ARID1B: variants seen among roughly 807,000 people sequenced by gnomAD.
The protein encoded by ARID1B is AT-rich interaction domain 1B, also known as AT-rich interactive domain-containing protein 1B.
Under a neutral mutation model 212.3 loss-of-function variants are expected in ARID1B, and 30 were observed. The observed-to-expected ratio is 0.14, with a 90% CI of 0.11 to 0.19. ARID1B has a LOEUF of 0.19. Ranked by LOEUF, ARID1B falls within the 10% of genes least tolerant of loss-of-function variation. The pLI, the probability that ARID1B is intolerant of heterozygous loss-of-function variation, is 1.00. For missense variants in ARID1B, 2,891 were observed against 3,204.0 expected (o/e 0.90, Z 2.36); for synonymous variants, 1,402 against 1,301.7 (o/e 1.08, Z -1.66).
At chr6:157,157,600 G>T (rs1447487220) in intron 8 of ARID1B, among the ~76,000 whole-genome samples, 1 of 152,230 alleles carries the variant, frequency 6.6e-6, no homozygotes, top group Non-Finnish European at 1.5e-5. Context: ...TTTGGAAAGT[G>T]TCGTGGGTCA....
chr6:157,020,516 A>G (rs1332563020), intron 4 of ARID1B, among the ~76,000 whole-genome samples: 2 of 152,178 alleles, frequency 1.3e-5, no homozygotes, highest in Non-Finnish European at 2.9e-5. Context: ...TTGTGTTTGA[A>G]TGCTTTAGCC....
intron 7 of ARID1B, among the ~76,000 whole-genome samples, chr6:157,144,981 CCAATAAAAAAGCTAATGGCGTGTG>C (rs1789621018): frequency 6.6e-6 from 1 of 152,176 alleles, no homozygotes; most frequent in Non-Finnish European, 1.5e-5. Flanking sequence ...TAAGGAGCTG[CCAATAAAAAAGCTAATGGCGTGTG>C]GCCCAGCGCA....
intron 1 of ARID1B, among the ~76,000 whole-genome samples, chr6:156,787,941 GGTT>G (rs1779755753): frequency 6.6e-6 from 1 of 152,036 alleles, no homozygotes; most frequent in Non-Finnish European, 1.5e-5. Flanking sequence ...TGCTGGGCAG[GGTT>G]GTTGAAAACC....
At chr6:157,115,252 A>G (rs1787247780) in intron 6 of ARID1B, among the ~76,000 whole-genome samples, 1 of 152,226 alleles carries the variant, frequency 6.6e-6, no homozygotes, top group African/African-American at 2.4e-5. Context: ...TTCTATGTAT[A>G]GAAGGTATTT....
intron 4 of ARID1B, among the ~76,000 whole-genome samples, chr6:156,962,712 C>T (rs751684006): frequency 2.6e-5 from 4 of 152,132 alleles, no homozygotes; most frequent in Non-Finnish European, 4.4e-5. Flanking sequence ...TAAACTCCCA[C>T]GCTCAAGAGA....
At chr6:157,040,801 C>G (rs1032495210) in intron 4 of ARID1B, among the ~76,000 whole-genome samples, 3 of 152,144 alleles carry the variant, frequency 2.0e-5, no homozygotes, top group Admixed American at 2.0e-4. Flanking sequence ...AATAGAGATT[C>G]ATTGTTTTGT....
intron 6 of ARID1B, among the ~76,000 whole-genome samples, chr6:157,131,199 AGTTTT>A (rs1477686127): frequency 6.6e-6 from 1 of 152,194 alleles, no homozygotes; most frequent in Non-Finnish European, 1.5e-5. Flanking sequence ...AAAAAGCAAT[AGTTTT>A]GTTAACCACC....
At chr6:157,191,527 CAG>C (rs1249799969) in intron 15 of ARID1B, among the ~76,000 whole-genome samples, 2 of 152,022 alleles carry the variant, frequency 1.3e-5, no homozygotes, top group African/African-American at 4.8e-5. Context: ...ATCCTTGAGA[CAG>C]AGAGTGCAGA....
chr6:156,987,103 G>A (rs936499648), intron 4 of ARID1B, among the ~76,000 whole-genome samples: 2 of 151,700 alleles, frequency 1.3e-5, no homozygotes, highest in African/African-American at 4.8e-5. Flanking sequence ...GCTCTAGCCC[G>A]GGAGGTCCAG....
At chr6:156,895,225 T>C (rs1349875772) in intron 2 of ARID1B, among the ~76,000 whole-genome samples, 1 of 152,220 alleles carries the variant, frequency 6.6e-6, no homozygotes, top group African/African-American at 2.4e-5. Flanking sequence ...TAGTGTCCCT[T>C]GTAGGACCCA....
At chr6:157,154,581 T>TG (rs759396054) in intron 8 of ARID1B, among the ~76,000 whole-genome samples, 3,629 of 115,762 alleles carry the variant, frequency 0.031, 28 homozygotes, top group Non-Finnish European at 0.042. Context: ...TTTTTTTTTG[T>TG]TTTTTTTTTT....
intron 4 of ARID1B, among the ~76,000 whole-genome samples, chr6:156,983,669 C>T (rs745614984): frequency 2.6e-5 from 4 of 151,996 alleles, no homozygotes; most frequent in Non-Finnish European, 2.9e-5. Context: ...TCTCAGTGTT[C>T]GGTACTTGCT....
At chr6:157,105,626 G>C (rs1266777132) in intron 5 of ARID1B, among the ~76,000 whole-genome samples, 2 of 152,144 alleles carry the variant, frequency 1.3e-5, no homozygotes, top group East Asian at 1.9e-4. Flanking sequence ...TTTTGAGATG[G>C]AGTCTTGCTC....
intron 13 of ARID1B, among the ~76,000 whole-genome samples, chr6:157,187,291 G>A (rs973169425): frequency 1.1e-4 from 16 of 152,138 alleles, no homozygotes; most frequent in Non-Finnish European, 2.1e-4. Context: ...TAATAAGTCT[G>A]TAACCAAAAA....
At chr6:157,189,017 T>G (rs1251378998) in intron 13 of ARID1B, among the ~76,000 whole-genome samples, 1 of 152,246 alleles carries the variant, frequency 6.6e-6, no homozygotes, top group Non-Finnish European at 1.5e-5. Context: ...TTGTGCTTTT[T>G]GATAACAAAT....
intron 11 of ARID1B, among the ~76,000 whole-genome samples, chr6:157,179,604 A>G (rs571064558): frequency 2.0e-5 from 3 of 152,342 alleles, no homozygotes; most frequent in African/African-American, 7.2e-5. Flanking sequence ...ACTATTTTTT[A>G]TCATTCTACA....
intron 5 of ARID1B, among the ~76,000 whole-genome samples, chr6:157,096,456 C>A (rs1381674688): frequency 6.6e-6 from 1 of 152,238 alleles, no homozygotes; most frequent in Non-Finnish European, 1.5e-5. Context: ...TCCCCTCCCT[C>A]CTGAAAGCGA....
At position 156,778,403 on chromosome 6, in the gene ARID1B, A is replaced by C. The variant is rs1778843839; in HGVS notation, c.723A>C (p.Gln241His). The change falls in exon 1 of 20, where the codon CAA becomes CAC. Residue 241 changes from glutamine (Q) to histidine (H), a missense_variant. Coordinates refer to ENST00000636930, the MANE Select transcript of ARID1B (RefSeq NM_001374828.1). ...PQPGPDMEQP[Q>H]HGGAKDSAAG... ...CCGGCCCCGACATGGAGCAGCCGCA[A>C]CATGGAGGCGCCAAGGACAGTGCTG... The C allele has an allele frequency of 1.3e-6, 2 of 1,533,924 alleles. No individual in the cohort carries two copies. The highest frequency in any genetic ancestry group is 1.7e-6 in the Non-Finnish European group (2 of 1,145,038).
At chr6:156,838,709 T>TATAATA (rs35310749) in intron 2 of ARID1B, among the ~76,000 whole-genome samples, 34,066 of 145,684 alleles carry the variant, frequency 0.23, 4,360 homozygotes, top group African/African-American at 0.3. Flanking sequence ...GAACTTAAAG[T>TATAATA]ATAATAATAA....
Sources: gnomAD v4.1 joint callset for allele counts (sites outside exome capture counted in the v4.1 genomes callset) on GRCh38, gnomAD v4.1.1 for gene constraint, MANE v1.5 for transcripts, NCBI Gene and HGNC (gene_info 2026-07-23, HGNC 2026-07-21) for gene names.